CRX: variants seen among roughly 807,000 people sequenced by gnomAD.
CRX encodes cone-rod homeobox protein.
Under a neutral mutation model 13.1 loss-of-function variants are expected in CRX, and 5 were observed. The observed-to-expected ratio is 0.38, with a 90% CI of 0.20 to 0.80. The LOEUF (loss-of-function observed/expected upper bound fraction) is 0.80. CRX is among the 30% of genes least tolerant of loss of function. CRX has a pLI of 0.43. For synonymous variants in CRX, 179 were observed against 171.1 expected, an observed-to-expected ratio of 1.05 and a Z score of -0.36; for missense variants, 351 against 391.8, an observed-to-expected ratio of 0.90 and a Z score of 0.88.
intron 3 of CRX, among the ~76,000 whole-genome samples, chr19:47,837,403 G>A (rs1007278927): frequency 2.6e-5 from 4 of 152,308 alleles, no homozygotes; most frequent in East Asian, 1.9e-4. Flanking sequence ...CTGACCTCAG[G>A]CAATCCTACT....
chr19:47,831,705 A>G (rs953122846), intron 1 of CRX, among the ~76,000 whole-genome samples: 1 of 152,136 alleles, frequency 6.6e-6, no homozygotes, highest in Admixed American at 6.6e-5. Context: ...GCATGCTGTC[A>G]GCTTTTTTTG....
chr19:47,832,069 G>C (rs1968053944), intron 1 of CRX, among the ~76,000 whole-genome samples: 2 of 143,592 alleles, frequency 1.4e-5, no homozygotes, highest in Non-Finnish European at 3.0e-5. Context: ...CTATATAATG[G>C]AGATCTTTTA....
At chr19:47,830,306 C>A (rs1968028094) in intron 1 of CRX, among the ~76,000 whole-genome samples, 1 of 151,612 alleles carries the variant, frequency 6.6e-6, no homozygotes. Context: ...GAGACCTTGT[C>A]TCTTAAAAAA....
chr19:47,838,363 A>G (rs11083902), intron 3 of CRX, among the ~76,000 whole-genome samples: 26,866 of 152,136 alleles, frequency 0.18, 2,642 homozygotes, highest in Non-Finnish European at 0.22. Context: ...ACGCATGTAT[A>G]TATAATTAGA....
intron 1 of CRX, among the ~76,000 whole-genome samples, chr19:47,831,563 T>C (rs2340997): frequency 0.5 from 75,223 of 151,478 alleles, 19,326 homozygotes; most frequent in Middle Eastern, 0.63. Context: ...CACTGCCCAC[T>C]CCCATCCATG....
chr19:47,840,244 G>A lies in CRX; in HGVS notation c.*277G>A. 1 of 456,320 alleles carries A rather than the reference G, an allele frequency of 2.2e-6. No individual in the cohort carries two copies. Among genetic ancestry groups the A allele is most frequent in the Non-Finnish European group, 4.0e-6 (1 of 250,646 alleles). 28.3% of individuals were successfully genotyped at this position (456,320 alleles called of 1,614,324 possible). ...CGCTGAAGTACACCACGAGCTCCAG[G>A]CTTCAGAAAGTGGTGCTGAGAACTT... On this transcript the variant is annotated 3_prime_UTR_variant, in exon 4 of 4. Coordinates refer to ENST00000221996, the MANE Select transcript of CRX (RefSeq NM_000554.6).
chr19:47,834,977 G>T (rs1968098195), intron 2 of CRX, among the ~76,000 whole-genome samples: 2 of 150,286 alleles, frequency 1.3e-5, no homozygotes, highest in African/African-American at 4.9e-5. Context: ...TTGTGCCTAG[G>T]CCCGGGGGGC....
At chr19:47,824,919 C>T (rs977347160) in intron 1 of CRX, among the ~76,000 whole-genome samples, 2 of 150,742 alleles carry the variant, frequency 1.3e-5, no homozygotes, top group African/African-American at 4.9e-5. Context: ...AAGTGTCTGC[C>T]GAGTGATGAA....
At position 47,841,956 on chromosome 19, in the gene CRX, AG is replaced by A. The variant is rs1461426548; in HGVS notation, c.*1990del. On this transcript the variant is annotated 3_prime_UTR_variant, in exon 4 of 4. Coordinates refer to ENST00000221996, the MANE Select transcript of CRX (RefSeq NM_000554.6). ...AAAGGTTGGTTGTGGAGTGTTTGTC[AG>A]TTTCCGTGGTGTAAATACTCCCACC... 6.6e-6 allele frequency: 1 copy of A among 152,208 alleles called. No homozygotes were observed. The highest frequency in any genetic ancestry group is 1.5e-5 in the Non-Finnish European group (1 of 68,050). 9.4% of individuals were successfully genotyped at this position (152,208 alleles called of 1,614,324 possible). A position where few individuals can be genotyped will look rare whatever the true frequency, so the allele number is the denominator to read the frequency against.
chr19:47,838,158 G>A (rs977369262), intron 3 of CRX, among the ~76,000 whole-genome samples: 4 of 152,036 alleles, frequency 2.6e-5, no homozygotes, highest in African/African-American at 4.8e-5. Flanking sequence ...ATGATCAGAT[G>A]GATGAATATG....
At chr19:47,825,678 G>C (rs953014181) in intron 1 of CRX, among the ~76,000 whole-genome samples, 1 of 152,098 alleles carries the variant, frequency 6.6e-6, no homozygotes, top group South Asian at 2.1e-4. Flanking sequence ...CCAGCACTTA[G>C]GGAGGCCGAG....
Position 47,839,511 on chromosome 19 carries a change from C to T in CRX, c.444C>T (p.Gly148=). ...ATTCCTACAGTCCCCCTCTGCCCGGCCCCTCAGGCTCCCCAACCACGGCAG... is the reference window on the plus strand; with the variant it reads ...ATTCCTACAGTCCCCCTCTGCCCGGTCCCTCAGGCTCCCCAACCACGGCAG... ...ISDSYSPPLP[G]PSGSPTTAVA... is the part of the protein sequence containing the mutation. The change falls in exon 4 of 4, where the codon GGC becomes GGT. Residue 148 remains glycine (G), a synonymous_variant. Transcript: ENST00000221996. This position sits in a 1 kb window ranked among gnomAD's most constrained non-coding sequence, Gnocchi z 4.6. The T allele has an allele frequency of 6.2e-7, 1 of 1,613,818 alleles. No individual in the cohort carries two copies.
At chr19:47,838,828 T>A (rs112686135) in intron 3 of CRX, among the ~76,000 whole-genome samples, 1 of 146,660 alleles carries the variant, frequency 6.8e-6, no homozygotes, top group Admixed American at 6.9e-5. Context: ...TATAATTGTA[T>A]GTGTGCATGT....
rs376746628 is a variant in CRX at position 47,822,982 on chromosome 19, T to TG, written c.-36+978dup. ...CTATTTTTTGTATTTTTAGTAGAGATGGGGGGTCTCTCCATGTTGTCCAGG... is the reference window on the plus strand; with the variant it reads ...CTATTTTTTGTATTTTTAGTAGAGATGGGGGGGTCTCTCCATGTTGTCCAGG... On this transcript the variant is annotated intron_variant, in intron 1 of 3. Transcript: ENST00000221996. Among the ~76,000 whole-genome samples the TG allele has an allele frequency of 7.3e-3, 1,102 of 151,848 alleles. 8 individuals carry two copies. Among genetic ancestry groups the TG allele is most frequent in the East Asian group, 0.015 (77 of 5,164 alleles).
intron 3 of CRX, among the ~76,000 whole-genome samples, chr19:47,837,772 G>A (rs1188399913): frequency 6.6e-6 from 1 of 152,120 alleles, no homozygotes; most frequent in African/African-American, 2.4e-5. Context: ...ATGAATCTAT[G>A]TATGATGTAT....
At chr19:47,834,339 T>C in intron 1 of CRX, 70 bp from the exon 2 acceptor site, 1 of 885,878 alleles carries the variant, frequency 1.1e-6, no homozygotes, top group South Asian at 1.3e-5. Context: ...AGGATTTGAA[T>C]CGCAGCCTGC....
In CRX at chr19:47,836,382, G is replaced by A. The variant is rs1968118313; in HGVS notation, c.240G>A (p.Glu80=). 1.9e-6 allele frequency: 3 copies of A among 1,614,240 alleles called. No homozygotes were observed. Among genetic ancestry groups the A allele is most frequent in the Middle Eastern group, 1.6e-4 (1 of 6,062 alleles). ...TGGCTCTGAAGATCAATCTGCCTGA[G>A]TCCAGGGTTCAGGTGGGGTGGTGGG... is the stretch of plus-strand genomic sequence containing the variant. ...EEVALKINLP[E]SRVQVWFKNR... Residue 80 remains glutamate (E), a synonymous_variant, in exon 3 of 4, where the codon GAG becomes GAA. Transcript: ENST00000221996.
intron 1 of CRX, among the ~76,000 whole-genome samples, chr19:47,826,863 A>G (rs1229843722): frequency 6.6e-6 from 1 of 152,216 alleles, no homozygotes; most frequent in Non-Finnish European, 1.5e-5. Context: ...GGTTGTGGTC[A>G]GATGTCGGCC....
intron 1 of CRX, among the ~76,000 whole-genome samples, chr19:47,828,074 A>G (rs1599972126): frequency 6.7e-6 from 1 of 150,316 alleles, no homozygotes; most frequent in East Asian, 2.0e-4. Context: ...GAATCACTTG[A>G]CCCTGGGAGG....
Sources: allele counts gnomAD v4.1 joint callset (sites outside exome capture counted in the v4.1 genomes callset), GRCh38; gene constraint gnomAD v4.1.1; non-coding constraint Gnocchi (gnomAD v3.1); transcripts MANE v1.5; gene names NCBI Gene and HGNC (gene_info 2026-07-23, HGNC 2026-07-21).